The following BRINP3 variants were observed in gnomAD, a reference collection of about 807,000 sequenced individuals.
BRINP3 encodes BMP/retinoic acid inducible neural specific 3.
Under a neutral mutation model 71.0 loss-of-function variants are expected in BRINP3, and 19 were observed. The observed-to-expected ratio is 0.27, with a 90% CI of 0.19 to 0.39. The LOEUF is 0.39. Among genes scored for constraint, BRINP3 ranks in the 10% least tolerant of loss-of-function variants. The pLI is 1.00. For missense variants in BRINP3, 959 were observed against 940.8 expected, an observed-to-expected ratio of 1.02 and a Z score of -0.25; for synonymous variants, 380 against 337.7, an observed-to-expected ratio of 1.13 and a Z score of -1.37.
intron 2 of BRINP3, among the ~76,000 whole-genome samples, chr1:190,286,252 G>A (rs949521291): frequency 6.6e-6 from 1 of 152,086 alleles, no homozygotes; most frequent in Non-Finnish European, 1.5e-5. Context: ...TTTCTACAAT[G>A]TTTATTATAA....
At chr1:190,280,963 T>C (rs769872190) in intron 3 of BRINP3, among the ~76,000 whole-genome samples, 4 of 151,922 alleles carry the variant, frequency 2.6e-5, no homozygotes, top group Non-Finnish European at 4.4e-5. Flanking sequence ...GAAAAAGCCA[T>C]ATTTTTAAGG....
intron 2 of BRINP3, among the ~76,000 whole-genome samples, chr1:190,426,488 A>C (rs1161106979): frequency 6.6e-6 from 1 of 151,866 alleles, no homozygotes; most frequent in Non-Finnish European, 1.5e-5. Context: ...TAATCCAAAA[A>C]TTCCAAATCC....
intron 3 of BRINP3, among the ~76,000 whole-genome samples, chr1:190,265,880 T>C (rs950639867): frequency 9.9e-5 from 15 of 152,206 alleles, no homozygotes; most frequent in Non-Finnish European, 1.9e-4. Context: ...TGTATATATA[T>C]GTAATAAATT....
At chr1:190,183,753 G>C (rs765077379) in intron 6 of BRINP3, among the ~76,000 whole-genome samples, 1 of 151,662 alleles carries the variant, frequency 6.6e-6, no homozygotes, top group Non-Finnish European at 1.5e-5. Flanking sequence ...ACTCGGTGGG[G>C]ATGAAAGTCC....
chr1:190,281,025 G>A (rs1662996537), intron 3 of BRINP3, among the ~76,000 whole-genome samples: 1 of 151,722 alleles, frequency 6.6e-6, no homozygotes, highest in African/African-American at 2.4e-5. Flanking sequence ...TTTTACAAAT[G>A]TATACATTTA....
intron 2 of BRINP3, among the ~76,000 whole-genome samples, chr1:190,355,523 A>G (rs1668670971): frequency 6.6e-6 from 1 of 151,914 alleles, no homozygotes; most frequent in Non-Finnish European, 1.5e-5. Context: ...TTTCTTTTTT[A>G]CTGCTATAAA....
At chr1:190,280,558 T>C (rs919283423) in intron 3 of BRINP3, among the ~76,000 whole-genome samples, 1 of 151,784 alleles carries the variant, frequency 6.6e-6, no homozygotes, top group African/African-American at 2.4e-5. Flanking sequence ...AAAATTGACA[T>C]GACTTGCTGA....
At chr1:190,174,539 G>A (rs760635903) in intron 6 of BRINP3, among the ~76,000 whole-genome samples, 4 of 151,844 alleles carry the variant, frequency 2.6e-5, no homozygotes, top group Non-Finnish European at 4.4e-5. Context: ...GGCAAAACTC[G>A]AAGTTTACAT....
chr1:190,205,119 G>A (rs191723481), intron 6 of BRINP3, among the ~76,000 whole-genome samples: 11 of 152,186 alleles, frequency 7.2e-5, no homozygotes, highest in Non-Finnish European at 4.4e-5. Flanking sequence ...GTTCAAGTGA[G>A]AGTTTGTTCT....
rs1046723366 is a variant in BRINP3 at position 190,320,922 on chromosome 1, CTG to C, written c.237-39174_237-39173del. 1.1e-3 allele frequency among the ~76,000 whole-genome samples: 163 copies of C among 151,870 alleles called. 1 individual carries two copies. Among genetic ancestry groups the C allele is most frequent in the African/African-American group, 3.8e-3 (159 of 41,434 alleles). ...TGAAACAATATTATCTGATGTCCTG[CTG>C]TGTGTGTGTTTGTATATATGTATAT... On this transcript the variant is annotated intron_variant, in intron 2 of 7. Transcript: ENST00000367462.
intron 2 of BRINP3, among the ~76,000 whole-genome samples, chr1:190,341,560 A>T (rs1667656233): frequency 6.6e-6 from 1 of 151,806 alleles, no homozygotes. Context: ...AACAACAAAA[A>T]ACGTGATCTA....
chr1:190,373,503 TAC>T (rs982109589), intron 2 of BRINP3, among the ~76,000 whole-genome samples: 1 of 151,610 alleles, frequency 6.6e-6, no homozygotes, highest in Non-Finnish European at 1.5e-5. Context: ...TGTATATATA[TAC>T]ACACACACAT....
intron 6 of BRINP3, among the ~76,000 whole-genome samples, chr1:190,204,531 T>C (rs1287050480): frequency 1.3e-5 from 2 of 151,940 alleles, no homozygotes; most frequent in Non-Finnish European, 2.9e-5. Context: ...TATATATTGG[T>C]AGCAATTAAG....
chr1:190,106,932 C>T (rs1652224098), intron 7 of BRINP3, among the ~76,000 whole-genome samples: 1 of 151,766 alleles, frequency 6.6e-6, no homozygotes, highest in African/African-American at 2.4e-5. Flanking sequence ...TAGTGTGCTT[C>T]CAAAAGTGGT....
intron 2 of BRINP3, among the ~76,000 whole-genome samples, chr1:190,450,528 C>T (rs1236129516): frequency 1.3e-5 from 2 of 152,006 alleles, no homozygotes; most frequent in Admixed American, 1.3e-4. Flanking sequence ...AACCAGAATC[C>T]TCATAGTTTT....
intron 2 of BRINP3, among the ~76,000 whole-genome samples, chr1:190,300,459 C>T (rs1023185864): frequency 1.3e-5 from 2 of 152,060 alleles, no homozygotes; most frequent in South Asian, 4.1e-4. Context: ...TTCTAAGGCT[C>T]CACCTCTGGG....
rs80284153 is a variant in BRINP3, at chr1:190,309,020, A to G, written c.237-27270T>C. On this transcript the variant is annotated intron_variant, in intron 2 of 7. Coordinates refer to ENST00000367462, the MANE Select transcript of BRINP3 (RefSeq NM_199051.3). The stretch of plus-strand genomic sequence containing the variant: ...CATGTTCATAGCAGCATAATTTACA[A>G]TATCTCAAAGGTCTAAGCAACCCAA... Among the ~76,000 whole-genome samples, 6 of 152,096 alleles carry G rather than the reference A, an allele frequency of 3.9e-5. No homozygotes were observed. In the East Asian group the frequency reaches 1.2e-3, roughly 29 times the overall value.
chr1:190,460,533 T>A (rs1014218425), intron 1 of BRINP3, among the ~76,000 whole-genome samples: 9 of 152,024 alleles, frequency 5.9e-5, no homozygotes, highest in African/African-American at 1.9e-4. Context: ...AAAACCAGAA[T>A]AAAAAAATAA....
At chr1:190,280,544 G>A (rs573024516) in intron 3 of BRINP3, among the ~76,000 whole-genome samples, 9 of 151,996 alleles carry the variant, frequency 5.9e-5, no homozygotes, top group African/African-American at 1.9e-4. Context: ...ATATTCTGGT[G>A]TAAAAAATTG....
Sources: gnomAD v4.1 joint callset for allele counts (sites outside exome capture counted in the v4.1 genomes callset) on GRCh38, gnomAD v4.1.1 for gene constraint, MANE v1.5 for transcripts, NCBI Gene and HGNC (gene_info 2026-07-23, HGNC 2026-07-21) for gene names.